Variants in TMC7 observed in about 807,000 individuals in gnomAD.
The protein encoded by TMC7 is transmembrane channel like 7, also known as transmembrane channel-like protein 7.
Under a neutral mutation model 82.9 loss-of-function variants are expected in TMC7, and 54 were observed. The ratio of observed to expected loss-of-function variants is 0.65; its 90% CI spans 0.52 to 0.82. TMC7 has a LOEUF of 0.82. Among genes scored for constraint, TMC7 ranks in the 40% least tolerant of loss-of-function variants. TMC7 has a pLI of 0.00. For missense variants in TMC7, 820 were observed against 901.2 expected (o/e 0.91, Z 1.15); for synonymous variants, 350 against 337.9 (o/e 1.04, Z -0.39).
chr16:19,051,238 C>T (rs1961523251), intron 12 of TMC7, among the ~76,000 whole-genome samples: 1 of 133,096 alleles, frequency 7.5e-6, no homozygotes, highest in African/African-American at 2.7e-5. Context: ...CCACCAAAAT[C>T]TTTTTTTTTT....
chr16:19,042,674 A>AT (rs1478888424), intron 9 of TMC7, among the ~76,000 whole-genome samples: 2 of 150,806 alleles, frequency 1.3e-5, no homozygotes, highest in Non-Finnish European at 2.9e-5. Context: ...CGCCCGGCTA[A>AT]TTTTTTGTAT....
At chr16:19,034,443 A>G (rs991650080) in intron 6 of TMC7, among the ~76,000 whole-genome samples, 8 of 151,800 alleles carry the variant, frequency 5.3e-5, no homozygotes, top group Admixed American at 5.3e-4. Context: ...CTAAAAATAC[A>G]GAAAATTAGC....
intron 5 of TMC7, among the ~76,000 whole-genome samples, chr16:19,027,101 C>T (rs1015169919): frequency 3.4e-5 from 4 of 117,604 alleles, no homozygotes; most frequent in Admixed American, 2.1e-4. Flanking sequence ...GACAGAGTCT[C>T]GCTCTGTCAC....
At position 19,016,462 on chromosome 16, in the gene TMC7, GAC is replaced by G; in HGVS notation, c.328_329del (p.Gln110AsnfsTer14). ...EKRRLRDIQE[T>X]QMKYLSEWDQ... ...GTTTTCCATGCAGGGACATTCAAGA[GAC>G]ACAAATGAAGTATCTCTCCGAATGG... On this transcript the variant is annotated frameshift_variant, in exon 3 of 16. Coordinates refer to ENST00000304381, the MANE Select transcript of TMC7 (RefSeq NM_024847.4). LOFTEE classifies it high-confidence loss of function. The G allele has an allele frequency of 1.9e-6, 3 of 1,614,158 alleles. No individual in the cohort carries two copies. In the East Asian group the frequency reaches 6.7e-5, roughly 36 times the overall value.
In TMC7 at chr16:19,050,386, A is replaced by C. The variant is rs1198196830; in HGVS notation, c.1741-1300A>C. The stretch of plus-strand genomic sequence containing the variant: ...CGTCTCAAAAAAAAAAAAAAAAAAA[A>C]AAAAAACCAAAAAAAACAAAAAACT... On this transcript the variant is annotated intron_variant, in intron 12 of 15. Transcript: ENST00000304381. 9.9e-5 allele frequency among the ~76,000 whole-genome samples: 15 copies of C among 151,616 alleles called. No homozygotes were observed. The South Asian group carries it at 2.5e-3, about 25-fold the overall frequency.
chr16:19,002,195 C>CTCATTCAT (rs994255961), intron 1 of TMC7, among the ~76,000 whole-genome samples: 15 of 150,752 alleles, frequency 1.0e-4, no homozygotes, highest in Non-Finnish European at 1.5e-5. Flanking sequence ...TCTGCCACTG[C>CTCATTCAT]TCATTCATTC....
Position 19,013,249 on chromosome 16 carries a change from G to T in TMC7, c.312-3201G>T, listed in dbSNP as rs1399552136. ...TTTATTTATTTTTAGACGGAGTTTC[G>T]CTCTTGTTGCCCGGGCTGGAGTGCA... On this transcript the variant is annotated intron_variant, in intron 2 of 15. Coordinates refer to ENST00000304381, the MANE Select transcript of TMC7 (RefSeq NM_024847.4). Among the ~76,000 whole-genome samples the T allele has an allele frequency of 2.6e-5, 4 of 151,614 alleles. No homozygotes were observed. The East Asian group carries it at 7.7e-4, about 29-fold the overall frequency.
intron 15 of TMC7, 109 bp downstream of exon 15, chr16:19,059,603 A>G: frequency 6.3e-7 from 1 of 1,599,540 alleles, no homozygotes; most frequent in Non-Finnish European, 8.5e-7. Flanking sequence ...GCCTTCTCTC[A>G]CCACCACCTC....
Position 19,021,516 on chromosome 16 carries a change from T to G in TMC7, c.461-113T>G, listed in dbSNP as rs1959974375. 4.6e-5 allele frequency: 54 copies of G among 1,168,098 alleles called. 1 individual carries two copies. In the South Asian group the frequency reaches 8.1e-4, roughly 18 times the overall value. The allele number at this position is 1,168,098 out of a possible 1,614,324, so 72.4% of individuals were successfully genotyped here. A position where few individuals can be genotyped will look rare whatever the true frequency, so the allele number is the denominator to read the frequency against. On this transcript the variant is annotated intron_variant, in intron 3 of 15. Transcript: ENST00000304381. ...AATTGAGAAAAAAATAAAACGTTTC[T>G]TCCTCCTTCCAGCTACTGATTCCTC...
At chr16:18,994,408 G>A (rs58449173) in intron 1 of TMC7, among the ~76,000 whole-genome samples, 71,439 of 150,858 alleles carry the variant, frequency 0.47, 19,505 homozygotes, top group East Asian at 0.76. Context: ...ACTGACTATC[G>A]TGCCACTGCA....
At chr16:18,989,168 T>C (rs2038904752) in intron 1 of TMC7, among the ~76,000 whole-genome samples, 1 of 152,206 alleles carries the variant, frequency 6.6e-6, no homozygotes, top group Non-Finnish European at 1.5e-5. Context: ...TGATATTTGT[T>C]TTTCCCTCTT....
chr16:19,011,054 G>A (rs545836334), intron 2 of TMC7, among the ~76,000 whole-genome samples: 16 of 152,260 alleles, frequency 1.1e-4, no homozygotes, highest in East Asian at 3.9e-4. Context: ...ACATGGCCAC[G>A]AGGCATTCAC....
intron 5 of TMC7, among the ~76,000 whole-genome samples, chr16:19,026,394 G>A (rs1020193038): frequency 6.6e-6 from 1 of 151,164 alleles, no homozygotes; most frequent in Non-Finnish European, 1.5e-5. Flanking sequence ...GGAGAATGGC[G>A]TGAACCTGGG....
chr16:19,041,245 C>T (rs1169613395), intron 9 of TMC7, among the ~76,000 whole-genome samples: 2 of 152,022 alleles, frequency 1.3e-5, no homozygotes, highest in Non-Finnish European at 2.9e-5. Context: ...ATATGCCTTT[C>T]ACTTACATTT....
At chr16:19,042,746 A>G (rs954412280) in intron 9 of TMC7, among the ~76,000 whole-genome samples, 2 of 140,188 alleles carry the variant, frequency 1.4e-5, no homozygotes, top group African/African-American at 5.3e-5. Context: ...TTATTTTTTT[A>G]TTTTTATTTT....
chr16:19,049,946 C>T lies in TMC7; in HGVS notation c.1741-1740C>T, dbSNP rs190058064. 1.6e-3 allele frequency among the ~76,000 whole-genome samples: 245 copies of T among 152,202 alleles called. 2 individuals are homozygous for T. The highest frequency in any genetic ancestry group is 6.6e-4 in the Non-Finnish European group (45 of 68,008). On this transcript the variant is annotated intron_variant, in intron 12 of 15. Transcript: ENST00000304381. ...AGTCTTTCTTCCCTCAATGGAAATA[C>T]TTATTTTTAACATGTAGGAGAAAAT...
intron 8 of TMC7, among the ~76,000 whole-genome samples, chr16:19,039,431 T>C (rs940891676): frequency 6.6e-5 from 10 of 152,044 alleles, no homozygotes; most frequent in African/African-American, 2.4e-4. Flanking sequence ...CTCACCACCA[T>C]GGCCACATTC....
intron 2 of TMC7, among the ~76,000 whole-genome samples, chr16:19,011,050 C>A (rs191354290): frequency 3.3e-4 from 50 of 152,282 alleles, no homozygotes; most frequent in Admixed American, 7.9e-4. Context: ...AGTCACATGG[C>A]CACGAGGCAT....
At chr16:19,027,445 A>G (rs1003508798) in intron 5 of TMC7, among the ~76,000 whole-genome samples, 8 of 152,132 alleles carry the variant, frequency 5.3e-5, no homozygotes, top group African/African-American at 9.7e-5. Flanking sequence ...GTTATTGTTA[A>G]TAATATAAAT....
Sources: gnomAD v4.1 joint callset for allele counts (sites outside exome capture counted in the v4.1 genomes callset) on GRCh38, gnomAD v4.1.1 for gene constraint, MANE v1.5 for transcripts, NCBI Gene and HGNC (gene_info 2026-07-23, HGNC 2026-07-21) for gene names.